Variants in OTUD7B observed in about 807,000 individuals in gnomAD.
OTUD7B encodes the protein OTU domain-containing protein 7B.
Under a neutral mutation model 82.2 loss-of-function variants are expected in OTUD7B, and 34 were observed. That is an observed-to-expected ratio of 0.41 (90% CI 0.31 to 0.55). The LOEUF (loss-of-function observed/expected upper bound fraction) is 0.55, where lower values mean the gene tolerates loss of function less well. Among genes scored for constraint, OTUD7B ranks in the 20% least tolerant of loss-of-function variants. The pLI, the probability that OTUD7B is intolerant of heterozygous loss-of-function variation, is 0.20. For missense variants in OTUD7B, 944 were observed against 1,062.1 expected (o/e 0.89, Z 1.55); for synonymous variants, 398 against 402.7 (o/e 0.99, Z 0.14).
At position 149,944,983 on chromosome 1, in the gene OTUD7B, T is replaced by C. The variant is rs782117628; in HGVS notation, c.1406A>G (p.Lys469Arg). The change falls in exon 12 of 12, where the codon AAG becomes AGG. Residue 469 changes from lysine (K) to arginine (R), a missense_variant. Transcript: ENST00000581312. ...RSTPESGDSD[K>R]ESVGSSSTSN... Reference sequence around the variant, plus strand: ...GGTGGAACTGCTGCCAACTGACTCCTTGTCTGAGTCTCCAGACTCAGGAGT... The same window carrying C: ...GGTGGAACTGCTGCCAACTGACTCCCTGTCTGAGTCTCCAGACTCAGGAGT... The C allele has an allele frequency of 9.9e-6, 16 of 1,614,052 alleles. No individual in the cohort carries two copies. The South Asian group carries it at 1.8e-4, about 18-fold the overall frequency.
chr1:149,970,538 C>T (rs905315221), intron 3 of OTUD7B, among the ~76,000 whole-genome samples: 1 of 151,922 alleles, frequency 6.6e-6, no homozygotes, highest in African/African-American at 2.4e-5. Flanking sequence ...AGACTGGTCT[C>T]GAACTCCTGA....
chr1:150,063,752 T>C, the OTUD7B span, among the ~76,000 whole-genome samples: 2 of 152,228 alleles, frequency 1.3e-5, no homozygotes, highest in African/African-American at 4.8e-5. Flanking sequence ...TACTCAATGA[T>C]TTAAAGCTAT....
chr1:149,961,772 C>T (rs1258423735), intron 6 of OTUD7B: 1 of 152,108 alleles, frequency 6.6e-6, no homozygotes, highest in Non-Finnish European at 1.5e-5. Flanking sequence ...TGCAATACAC[C>T]CAAGGTCTAT....
chr1:149,983,905 T>C (rs1314138567), intron 1 of OTUD7B, among the ~76,000 whole-genome samples: 1 of 152,198 alleles, frequency 6.6e-6, no homozygotes, highest in Admixed American at 6.5e-5. Flanking sequence ...GGGAAATGGA[T>C]AGATTCCACT....
chr1:149,981,321 T>TAGTCTCCA (rs1650716359), intron 1 of OTUD7B, among the ~76,000 whole-genome samples: 1 of 152,188 alleles, frequency 6.6e-6, no homozygotes, highest in Admixed American at 6.5e-5. Context: ...ACAAATCACA[T>TAGTCTCCA]AGTCTCCACT....
intron 6 of OTUD7B, 70 bp from the exon 7 acceptor site, chr1:149,959,866 C>A: frequency 1.1e-6 from 1 of 938,010 alleles, no homozygotes; most frequent in Non-Finnish European, 1.8e-6. Flanking sequence ...ACCTATTCCA[C>A]CTTATTCACT....
chr1:149,987,186 AG>A (rs1651212214), intron 1 of OTUD7B, among the ~76,000 whole-genome samples: 1 of 152,246 alleles, frequency 6.6e-6, no homozygotes, highest in African/African-American at 2.4e-5. Flanking sequence ...CACAGGTAAA[AG>A]TGGCAGACCC....
At chr1:149,968,392 G>T (rs1366626946) in intron 3 of OTUD7B, among the ~76,000 whole-genome samples, 1 of 151,898 alleles carries the variant, frequency 6.6e-6, no homozygotes, top group Non-Finnish European at 1.5e-5. Flanking sequence ...GAAATTTATA[G>T]GGACAGTCAA....
chr1:150,046,985 T>C, the OTUD7B span, among the ~76,000 whole-genome samples: 1 of 151,920 alleles, frequency 6.6e-6, no homozygotes, highest in Non-Finnish European at 1.5e-5. Flanking sequence ...GCAGGAGCAT[T>C]GCTTGAACCC....
At chr1:150,027,127 T>C in the OTUD7B span, among the ~76,000 whole-genome samples, 1 of 152,182 alleles carries the variant, frequency 6.6e-6, no homozygotes, top group East Asian at 1.9e-4. Context: ...TGTGTTGTAT[T>C]GGGCTGTATT....
In OTUD7B at chr1:149,944,721, C is replaced by G; in HGVS notation, c.1668G>C (p.Leu556=). 1 of 1,613,822 alleles carries G rather than the reference C, an allele frequency of 6.2e-7. No individual in the cohort carries two copies. Among genetic ancestry groups the G allele is most frequent in the Non-Finnish European group, 8.5e-7 (1 of 1,179,992 alleles). ...CCTCCTTGCCACCCTTCCAGCTCTT[C>G]AGTGAGTTTTTCTTCTTCTTCTCCA... ...ETLEKKKKNS[L]KSWKGGKEEA... The change falls in exon 12 of 12, where the codon CTG becomes CTC. Residue 556 remains leucine (L), a synonymous_variant. Transcript: ENST00000581312.
chr1:149,986,041 AC>A (rs1266937145), intron 1 of OTUD7B, among the ~76,000 whole-genome samples: 7 of 152,026 alleles, frequency 4.6e-5, no homozygotes, highest in African/African-American at 1.7e-4. Flanking sequence ...CCCCCACTGC[AC>A]CCTGTATGCT....
chr1:150,019,236 G>T, the OTUD7B span, among the ~76,000 whole-genome samples: 1 of 152,168 alleles, frequency 6.6e-6, no homozygotes, highest in Non-Finnish European at 1.5e-5. Context: ...CTATTGTAAA[G>T]TAACTCCACA....
chr1:150,060,480 T>G, the OTUD7B span, among the ~76,000 whole-genome samples: 1 of 152,176 alleles, frequency 6.6e-6, no homozygotes, highest in Non-Finnish European at 1.5e-5. Context: ...ACACTTGACC[T>G]TAGACATCTA....
chr1:149,971,467 T>G (rs1649931692), intron 2 of OTUD7B, among the ~76,000 whole-genome samples: 2 of 152,174 alleles, frequency 1.3e-5, no homozygotes. Context: ...GTAAGTGCCA[T>G]GAAAATAGAA....
At chr1:149,950,789 G>GTT (rs76513068) in intron 7 of OTUD7B, among the ~76,000 whole-genome samples, 2,045 of 132,704 alleles carry the variant, frequency 0.015, 90 homozygotes, top group African/African-American at 0.045. Context: ...TGTGTTTTTT[G>GTT]TTTTTTTTTC....
chr1:150,062,641 G>A, the OTUD7B span, among the ~76,000 whole-genome samples: 3 of 151,292 alleles, frequency 2.0e-5, no homozygotes, highest in Non-Finnish European at 4.4e-5. Context: ...CTATAAAATG[G>A]TCTAGAACTG....
At chr1:149,975,443 C>A (rs1650240498) in intron 2 of OTUD7B, among the ~76,000 whole-genome samples, 1 of 152,152 alleles carries the variant, frequency 6.6e-6, no homozygotes, top group Non-Finnish European at 1.5e-5. Flanking sequence ...ATTATTAACT[C>A]CAGGATAATA....
At chr1:150,035,020 T>C in the OTUD7B span, among the ~76,000 whole-genome samples, 2 of 151,906 alleles carry the variant, frequency 1.3e-5, no homozygotes, top group Admixed American at 6.6e-5. Context: ...GGTGTGCACC[T>C]GTAATCCCAG....
Sources: allele counts gnomAD v4.1 joint callset (sites outside exome capture counted in the v4.1 genomes callset), GRCh38; gene constraint gnomAD v4.1.1; transcripts MANE v1.5; gene names NCBI Gene and HGNC (gene_info 2026-07-23, HGNC 2026-07-21).